The following GANC variants were observed in gnomAD, a reference collection of about 807,000 sequenced individuals.
The protein encoded by GANC is neutral alpha-glucosidase C.
GANC carries 117 observed loss-of-function variants against 124.2 expected under a neutral mutation model. That is an observed-to-expected ratio of 0.94 (90% CI 0.81 to 1.10). The LOEUF is 1.10. GANC is among the 50% of genes least tolerant of loss of function. The pLI, the probability that GANC is intolerant of heterozygous loss-of-function variation, is 0.00. For synonymous variants in GANC, 377 were observed against 376.8 expected (o/e 1.00, Z -0.01); for missense variants, 1,140 against 1,095.0 (o/e 1.04, Z -0.58).
intron 12 of GANC, 70 bp downstream of exon 12, chr15:42,326,494 T>C (rs1208979224): frequency 1.9e-6 from 3 of 1,602,726 alleles, no homozygotes; most frequent in Non-Finnish European, 2.6e-6. Flanking sequence ...TGCGTGGTCA[T>C]CATTCTGCTC....
At position 42,313,987 on chromosome 15, in the gene GANC, T is replaced by C. The variant is rs543769011; in HGVS notation, c.1057+3141T>C. The C allele has an allele frequency of 1.7e-5, 7 of 424,236 alleles. No homozygotes were observed. In the East Asian group the frequency reaches 2.9e-4, roughly 18 times the overall value. The allele number at this position is 424,236 out of a possible 1,614,324, so 26.3% of individuals were successfully genotyped here. A position where few individuals can be genotyped will look rare whatever the true frequency, so the allele number is the denominator to read the frequency against. On this transcript the variant is annotated intron_variant, in intron 10 of 23. Transcript: ENST00000318010. ...AGCAACAACAACAACAAAATTAATG[T>C]AATAGTGACATGGAAAAAATACAGC...
Position 42,349,506 on chromosome 15 carries a change from C to T in GANC, c.2531+11C>T. On this transcript the variant is annotated intron_variant, in intron 22 of 23. Transcript: ENST00000318010. ...TGTTCTGATCAATAGGTAATGGCAG[C>T]TAAAGAAACTGTTTGTTTTCTTAAG... 7 of 1,443,346 alleles carry T rather than the reference C, an allele frequency of 4.8e-6. No individual in the cohort carries two copies. The highest frequency in any genetic ancestry group is 6.8e-6 in the Non-Finnish European group (7 of 1,024,842). The allele number at this position is 1,443,346 out of a possible 1,614,324, so 89.4% of individuals were successfully genotyped here.
At chr15:42,278,904 A>G (rs543836662) in intron 3 of GANC, among the ~76,000 whole-genome samples, 34 of 152,288 alleles carry the variant, frequency 2.2e-4, no homozygotes, top group African/African-American at 6.3e-4. Context: ...CTGAGGTGGG[A>G]GGATCTCTTG....
chr15:42,337,832 C>G (rs2052294745), intron 15 of GANC, among the ~76,000 whole-genome samples: 1 of 152,164 alleles, frequency 6.6e-6, no homozygotes, highest in Admixed American at 6.5e-5. Context: ...GAAGCCAAGG[C>G]AGGTGGATCA....
intron 3 of GANC, chr15:42,284,091 C>T: frequency 1.5e-6 from 1 of 664,836 alleles, no homozygotes. Context: ...TTTAGGTTAA[C>T]AGTTCTTTAC....
rs770766723 is a variant in GANC at position 42,326,450 on chromosome 15, T to G, written c.1420+26T>G. 2.5e-5 allele frequency: 40 copies of G among 1,613,606 alleles called. No homozygotes were observed. In the East Asian group the frequency reaches 4.5e-4, roughly 18 times the overall value. On this transcript the variant is annotated intron_variant, in intron 12 of 23. Transcript: ENST00000318010. ...GTATGAAATCACTTTATACACTTAT[T>G]ATTTCCACATGTTCTGTCCCAATTA...
Position 42,308,245 on chromosome 15 carries a change from T to C in GANC, c.649T>C (p.Phe217Leu). ...AGGCCCTTCTTCTATTGGTTTGGAT[T>C]TCTCCTTGCATGGATTTGAGCATCT... is the stretch of plus-strand genomic sequence containing the variant. Reference protein sequence around the residue: ...ANGPSSIGLDFSLHGFEHLYG... With the variant: ...ANGPSSIGLDLSLHGFEHLYG... The change falls in exon 8 of 24, where the codon TTC becomes CTC. Residue 217 changes from phenylalanine (F) to leucine (L), a missense_variant. Transcript: ENST00000318010. 6.2e-7 allele frequency: 1 copy of C among 1,607,108 alleles called. No individual in the cohort carries two copies. The highest frequency in any genetic ancestry group is 8.5e-7 in the Non-Finnish European group (1 of 1,174,854).
chr15:42,273,592 C>T lies in GANC; in HGVS notation c.-890C>T. 3 of 944,280 alleles carry T rather than the reference C, an allele frequency of 3.2e-6. No homozygotes were observed. The highest frequency in any genetic ancestry group is 4.6e-6 in the Non-Finnish European group (3 of 651,626). The allele number at this position is 944,280 out of a possible 1,614,324, so 58.5% of individuals were successfully genotyped here. The stretch of plus-strand genomic sequence containing the variant: ...TGAGACTTTGGACCTACTGCGCAGG[C>T]GTCATCCTGTTGGAACCTGGTCAGC... On this transcript the variant is annotated 5_prime_UTR_variant, in exon 1 of 24. Coordinates refer to ENST00000318010, the MANE Select transcript of GANC (RefSeq NM_198141.3).
In GANC at chr15:42,274,413, G is replaced by A. The variant is rs937726396; in HGVS notation, c.-69G>A. 1.9e-5 allele frequency: 30 copies of A among 1,539,600 alleles called. No homozygotes were observed. In the African/African-American group the frequency reaches 3.4e-4, roughly 18 times the overall value. On this transcript the variant is annotated 5_prime_UTR_variant, in exon 1 of 24. Transcript: ENST00000318010. ...GTAATTTTAGAAAGACACCCAATCG[G>A]CTTTTTTAAAAGATCGCCCAGGGCC...
At position 42,310,725 on chromosome 15, in the gene GANC, T is replaced by G; in HGVS notation, c.936T>G (p.Ala312=). The change falls in exon 10 of 24, where the codon GCT becomes GCG. Residue 312 remains alanine, a synonymous_variant. Transcript: ENST00000318010. ...TGACCCAGATGGGCCCAGTTGCTGCTAAACAAAAGGTCAGATCTCGCACTC... is the reference window on the plus strand; with the variant it reads ...TGACCCAGATGGGCCCAGTTGCTGCGAAACAAAAGGTCAGATCTCGCACTC... ...YTLTQMGPVA[A]KQKVRSRTHV... is the part of the protein sequence containing the mutation. 1 of 1,613,446 alleles carries G rather than the reference T, an allele frequency of 6.2e-7. No individual in the cohort carries two copies. The highest frequency in any genetic ancestry group is 1.1e-5 in the South Asian group (1 of 91,072).
intron 6 of GANC, among the ~76,000 whole-genome samples, chr15:42,301,018 C>CA (rs113404849): frequency 0.73 from 102,843 of 139,978 alleles, 39,142 homozygotes; most frequent in Middle Eastern, 0.91. Context: ...AACTCCATCT[C>CA]AAAAAAAAAA....
chr15:42,353,291 G>A lies in GANC; in HGVS notation c.*1152G>A, dbSNP rs140739067. On this transcript the variant is annotated 3_prime_UTR_variant, in exon 24 of 24. Coordinates refer to ENST00000318010, the MANE Select transcript of GANC (RefSeq NM_198141.3). ...TTCCTCCACTTAGCAACTTGCTAAC[G>A]GCCACCTCTGTGCCTTCTGATCCCT... 206 of 986,072 alleles carry A rather than the reference G, an allele frequency of 2.1e-4. No homozygotes were observed. In the African/African-American group the frequency reaches 3.2e-3, roughly 15 times the overall value. The allele number at this position is 986,072 out of a possible 1,614,324, so 61.1% of individuals were successfully genotyped here. A position where few individuals can be genotyped will look rare whatever the true frequency, so the allele number is the denominator to read the frequency against.
chr15:42,313,784 T>G, intron 10 of GANC: 2 of 409,674 alleles, frequency 4.9e-6, no homozygotes, highest in Non-Finnish European at 4.4e-6. Context: ...AATGGTGACA[T>G]GGGCTGGGCA....
chr15:42,320,846 G>A (rs1051116851), intron 10 of GANC, among the ~76,000 whole-genome samples: 51 of 152,270 alleles, frequency 3.3e-4, no homozygotes, highest in Admixed American at 7.8e-4. Context: ...AGCAGGGTGA[G>A]CTCTTCTGTC....
chr15:42,274,018 C>A lies in GANC; in HGVS notation c.-464C>A, dbSNP rs964690960. 3.4e-5 allele frequency: 8 copies of A among 236,348 alleles called. No homozygotes were observed. Among genetic ancestry groups the A allele is most frequent in the Non-Finnish European group, 5.8e-5 (7 of 120,376 alleles). The allele number at this position is 236,348 out of a possible 1,614,324, so 14.6% of individuals were successfully genotyped here. A position where few individuals can be genotyped will look rare whatever the true frequency, so the allele number is the denominator to read the frequency against. On this transcript the variant is annotated 5_prime_UTR_variant, in exon 1 of 24. Coordinates refer to ENST00000318010, the MANE Select transcript of GANC (RefSeq NM_198141.3). ...CAAAGACCCGGCCGGCACTTCCCAC[C>A]CTTAACCGAAAACGGAGACAGAGAG...
In GANC at chr15:42,273,705, C is replaced by T. The variant is rs2051615810; in HGVS notation, c.-777C>T. On this transcript the variant is annotated 5_prime_UTR_variant, in exon 1 of 24. Coordinates refer to ENST00000318010, the MANE Select transcript of GANC (RefSeq NM_198141.3). ...AGGTTTTAGGACCAGGCAGGCACCC[C>T]GTGCAGGATTTGGCTCTCTACTTCC... The T allele has an allele frequency of 5.4e-6, 2 of 369,238 alleles. No homozygotes were observed. The highest frequency in any genetic ancestry group is 1.0e-5 in the Non-Finnish European group (2 of 195,222). 22.9% of individuals were successfully genotyped at this position (369,238 alleles called of 1,614,324 possible).
At chr15:42,300,245 C>G (rs1237553543) in intron 6 of GANC, among the ~76,000 whole-genome samples, 3 of 151,866 alleles carry the variant, frequency 2.0e-5, no homozygotes, top group African/African-American at 7.3e-5. Context: ...TACAAGGAAC[C>G]TAAGCAAATT....
chr15:42,346,230 TACAA>T (rs1442110479), intron 20 of GANC, among the ~76,000 whole-genome samples: 3 of 152,292 alleles, frequency 2.0e-5, no homozygotes, highest in African/African-American at 7.2e-5. Context: ...TTGGGGGACA[TACAA>T]ACATTCAGTC....
chr15:42,308,496 T>C (rs1177548714), intron 8 of GANC, among the ~76,000 whole-genome samples, 178 bp downstream of exon 8: 1 of 152,218 alleles, frequency 6.6e-6, no homozygotes, highest in East Asian at 1.9e-4. Context: ...GGTTTTCCTT[T>C]TTTTTGAGAC....
Sources: gnomAD v4.1 joint callset for allele counts (sites outside exome capture counted in the v4.1 genomes callset) on GRCh38, gnomAD v4.1.1 for gene constraint, MANE v1.5 for transcripts, NCBI Gene and HGNC (gene_info 2026-07-23, HGNC 2026-07-21) for gene names.